QTMAN: variants seen among roughly 807,000 people sequenced by gnomAD.
QTMAN encodes the protein queuosine-tRNA mannosyltransferase, also known as tRNA-queuosine alpha-mannosyltransferase.
the QTMAN span, among the ~76,000 whole-genome samples, chr2:144,105,370 A>G: frequency 6.6e-6 from 1 of 152,192 alleles, no homozygotes; most frequent in Non-Finnish European, 1.5e-5. Context: ...AGATTAGACG[A>G]ATGGCTAACT....
chr2:144,006,644 A>G, the QTMAN span: 2 of 152,090 alleles, frequency 1.3e-5, no homozygotes, highest in Admixed American at 1.3e-4. Context: ...CTGTTTAGAA[A>G]AGACTTGGCT....
At chr2:144,058,598 C>T in the QTMAN span, among the ~76,000 whole-genome samples, 7 of 152,182 alleles carry the variant, frequency 4.6e-5, no homozygotes, top group African/African-American at 1.7e-4. Context: ...CTAATTTATA[C>T]TGTATCAAGT....
At chr2:144,068,892 T>A in the QTMAN span, among the ~76,000 whole-genome samples, 4 of 152,164 alleles carry the variant, frequency 2.6e-5, no homozygotes, top group Admixed American at 2.6e-4. Context: ...CTTTCTGATG[T>A]GTTAGGTAAG....
chr2:144,160,722 A>G, the QTMAN span, among the ~76,000 whole-genome samples: 12 of 152,280 alleles, frequency 7.9e-5, no homozygotes, highest in East Asian at 2.3e-3. Context: ...AATAGCTGTC[A>G]CATCAACGGT....
the QTMAN span, among the ~76,000 whole-genome samples, chr2:144,118,136 G>A: frequency 4.6e-5 from 7 of 152,246 alleles, no homozygotes; most frequent in East Asian, 5.8e-4. Context: ...ATGAGCCACC[G>A]TGCAGTACAC....
chr2:144,254,121 G>A, the QTMAN span, among the ~76,000 whole-genome samples: 1 of 152,178 alleles, frequency 6.6e-6, no homozygotes, highest in African/African-American at 2.4e-5. Context: ...GTGCACAAAA[G>A]TCAAGAATTA....
the QTMAN span, among the ~76,000 whole-genome samples, chr2:144,093,493 T>A: frequency 1.3e-5 from 2 of 152,220 alleles, no homozygotes; most frequent in African/African-American, 4.8e-5. Context: ...AACCAAGTAA[T>A]AACTAAAGTT....
the QTMAN span, among the ~76,000 whole-genome samples, chr2:144,018,931 T>C: frequency 1.3e-5 from 2 of 152,140 alleles, no homozygotes; most frequent in Non-Finnish European, 2.9e-5. Flanking sequence ...TAACTACAAG[T>C]TAGCCAGGTA....
chr2:144,271,860 C>A, the QTMAN span, among the ~76,000 whole-genome samples: 2 of 152,150 alleles, frequency 1.3e-5, no homozygotes, highest in African/African-American at 2.4e-5. Context: ...TGTTTAAAGT[C>A]TCTGACAATC....
the QTMAN span, among the ~76,000 whole-genome samples, chr2:144,239,604 G>C: frequency 1.3e-5 from 2 of 152,140 alleles, no homozygotes; most frequent in Admixed American, 1.3e-4. Context: ...TTGGTTAGGG[G>C]TGTACCCAGC....
chr2:143,956,802 C>T, the QTMAN span, among the ~76,000 whole-genome samples: 5 of 151,870 alleles, frequency 3.3e-5, no homozygotes, highest in African/African-American at 1.2e-4. Flanking sequence ...TTCCCAAAAC[C>T]ATATTAGATT....
the QTMAN span, among the ~76,000 whole-genome samples, chr2:143,973,280 T>C: frequency 0.029 from 4,465 of 152,042 alleles, 213 homozygotes; most frequent in African/African-American, 0.1. Flanking sequence ...CAAGAATGCA[T>C]GGAAGGGGGA....
the QTMAN span, among the ~76,000 whole-genome samples, chr2:144,068,590 A>C: frequency 6.6e-6 from 1 of 152,224 alleles, no homozygotes; most frequent in African/African-American, 2.4e-5. Context: ...CAAGGTGGTG[A>C]TTAAGTTAAG....
chr2:144,061,334 C>T, the QTMAN span, among the ~76,000 whole-genome samples: 3 of 152,258 alleles, frequency 2.0e-5, no homozygotes, highest in Middle Eastern at 3.4e-3. Context: ...TGGTTCTCTT[C>T]TGGGCAAAGC....
At chr2:144,161,847 AG>A in the QTMAN span, among the ~76,000 whole-genome samples, 2 of 152,242 alleles carry the variant, frequency 1.3e-5, no homozygotes, top group Non-Finnish European at 2.9e-5. Context: ...ATCAATAAGT[AG>A]AATAAATGGG....
At chr2:144,103,421 A>C in the QTMAN span, among the ~76,000 whole-genome samples, 2 of 152,342 alleles carry the variant, frequency 1.3e-5, no homozygotes, top group South Asian at 4.1e-4. Flanking sequence ...GGTGCCCTGC[A>C]TAGAGCTTAC....
At chr2:144,236,410 C>CCATATATAT in the QTMAN span, among the ~76,000 whole-genome samples, 1 of 152,130 alleles carries the variant, frequency 6.6e-6, no homozygotes, top group Admixed American at 6.6e-5. Flanking sequence ...ACCATATATA[C>CCATATATAT]CCAAGGGTGC....
chr2:144,098,714 C>CAA, the QTMAN span, among the ~76,000 whole-genome samples: 5 of 124,014 alleles, frequency 4.0e-5, no homozygotes, highest in African/African-American at 5.9e-5. Flanking sequence ...GACTCTGTCT[C>CAA]AAAAAAAAAA....
At chr2:144,037,591 C>T in the QTMAN span, among the ~76,000 whole-genome samples, 1 of 152,162 alleles carries the variant, frequency 6.6e-6, no homozygotes, top group Non-Finnish European at 1.5e-5. Context: ...CCTGAGAACG[C>T]TCTGTTCTAT....
Sources: gnomAD v4.1 joint callset for allele counts (sites outside exome capture counted in the v4.1 genomes callset) on GRCh38, gnomAD v4.1.1 for gene constraint, MANE v1.5 for transcripts, NCBI Gene and HGNC (gene_info 2026-07-23, HGNC 2026-07-21) for gene names.